Variants in RABEP1 observed in about 807,000 individuals in gnomAD.
RABEP1 encodes the protein rabaptin, RAB GTPase binding effector protein 1.
Under a neutral mutation model 123.4 loss-of-function variants are expected in RABEP1, and 51 were observed. The ratio of observed to expected loss-of-function variants is 0.41; its 90% confidence interval spans 0.33 to 0.52. The LOEUF (loss-of-function observed/expected upper bound fraction) is 0.52. Ranked by LOEUF, RABEP1 falls within the 20% of genes least tolerant of loss-of-function variation. The probability of loss-of-function intolerance (pLI) is 0.16; values close to 1 mark genes in which losing one functional copy is unlikely to be tolerated. For missense variants in RABEP1, 888 were observed against 996.3 expected (o/e 0.89, Z 1.46); for synonymous variants, 347 against 355.2 (o/e 0.98, Z 0.26).
Position 5,294,633 on chromosome 17 carries a change from CTTTTTTTTTTT to C in RABEP1, c.34+12135_34+12145del, listed in dbSNP as rs1185209680. Among the ~76,000 whole-genome samples the C allele has an allele frequency of 8.2e-3, 435 of 52,982 alleles. 5 individuals are homozygous for C. Among genetic ancestry groups the C allele is most frequent in the African/African-American group, 0.025 (385 of 15,144 alleles). The allele number at this position is 52,982 out of a possible 152,430, so 34.8% of individuals were successfully genotyped here. ...AGATACTGAGGGAAAACGGTATTGT[CTTTTTTTTTTT>C]TTTTTTTTTTTTTTTTTTTTTGAGA... On this transcript the variant is annotated intron_variant, in intron 1 of 17. Transcript: ENST00000537505.
chr17:5,293,160 G>C (rs536500839), intron 1 of RABEP1, among the ~76,000 whole-genome samples: 2 of 152,152 alleles, frequency 1.3e-5, no homozygotes, highest in South Asian at 4.2e-4. Flanking sequence ...GGTGGTGCGT[G>C]CCTGTAATCC....
intron 10 of RABEP1, chr17:5,364,190 A>G (rs1909817053): frequency 6.6e-6 from 1 of 152,270 alleles, no homozygotes; most frequent in South Asian, 2.1e-4. Context: ...GTTTTCATAA[A>G]CATTTCAGTA....
At chr17:5,374,700 C>T (rs1046885640) in intron 13 of RABEP1, among the ~76,000 whole-genome samples, 10 of 151,840 alleles carry the variant, frequency 6.6e-5, no homozygotes, top group South Asian at 2.1e-4. Flanking sequence ...AGTGCAGTGG[C>T]GCAACCTAGG....
chr17:5,293,235 C>T (rs766432168), intron 1 of RABEP1, among the ~76,000 whole-genome samples: 10 of 151,668 alleles, frequency 6.6e-5, no homozygotes, highest in South Asian at 6.2e-4. Context: ...TGCAGTGAGC[C>T]GAGATTGCAC....
chr17:5,383,048 C>A, intron 17 of RABEP1, 74 bp from the exon 18 acceptor site: 1 of 1,186,442 alleles, frequency 8.4e-7, no homozygotes, highest in Non-Finnish European at 1.3e-6. Context: ...TCTGCTACAT[C>A]TCAGCTAAAC....
At position 5,328,362 on chromosome 17, in the gene RABEP1, A is replaced by G. The variant is rs186144479; in HGVS notation, c.164-3587A>G. On this transcript the variant is annotated intron_variant, in intron 2 of 17. Coordinates refer to ENST00000537505, the MANE Select transcript of RABEP1 (RefSeq NM_004703.6). ...TTATAATGCTTTATAGCATTAGTAT[A>G]GGCCAGGCGTAGTAGCTCATGCCTG... Among the ~76,000 whole-genome samples, 28 of 152,236 alleles carry G rather than the reference A, an allele frequency of 1.8e-4. No homozygotes were observed. The East Asian group carries it at 5.4e-3, about 29-fold the overall frequency.
At chr17:5,378,946 T>C (rs1376866658) in intron 15 of RABEP1, among the ~76,000 whole-genome samples, 1 of 152,194 alleles carries the variant, frequency 6.6e-6, no homozygotes, top group Non-Finnish European at 1.5e-5. Context: ...TGACTCCTTG[T>C]CCTGCTGCTG....
chr17:5,319,935 T>C, intron 2 of RABEP1, among the ~76,000 whole-genome samples: 1 of 151,878 alleles, frequency 6.6e-6, no homozygotes, highest in East Asian at 1.9e-4. Context: ...CAAGAGGGAG[T>C]TGAGCAAGAG....
At chr17:5,351,333 A>G (rs1449394295) in intron 7 of RABEP1, among the ~76,000 whole-genome samples, 1 of 151,988 alleles carries the variant, frequency 6.6e-6, no homozygotes, top group Non-Finnish European at 1.5e-5. Context: ...CAGTGAAAAA[A>G]TAAATATAAA....
intron 6 of RABEP1, among the ~76,000 whole-genome samples, chr17:5,347,777 G>A (rs1295008247): frequency 3.3e-5 from 5 of 152,068 alleles, no homozygotes. Flanking sequence ...GTGTGCTATT[G>A]CAATAAAAAG....
rs774076932 is a variant in RABEP1 at position 5,380,344 on chromosome 17, A to G, written c.2272-20A>G. Reference sequence around the variant, plus strand: ...CCCAGAGGGAGTTTCTGTGAGTTTCAGCTTTTTCCTTTTTCACAGTTGGAG... The same window carrying G: ...CCCAGAGGGAGTTTCTGTGAGTTTCGGCTTTTTCCTTTTTCACAGTTGGAG... On this transcript the variant is annotated intron_variant, in intron 15 of 17. Transcript: ENST00000537505. 21 of 1,505,646 alleles carry G rather than the reference A, an allele frequency of 1.4e-5. No homozygotes were observed. The South Asian group carries it at 2.6e-4, about 19-fold the overall frequency. The allele number at this position is 1,505,646 out of a possible 1,614,324, so 93.3% of individuals were successfully genotyped here.
chr17:5,358,787 G>A (rs561608372), intron 8 of RABEP1, among the ~76,000 whole-genome samples: 1 of 152,154 alleles, frequency 6.6e-6, no homozygotes, highest in African/African-American at 2.4e-5. Flanking sequence ...ACAGGGTCTC[G>A]TTCTTGCCAC....
intron 12 of RABEP1, among the ~76,000 whole-genome samples, chr17:5,368,686 G>A (rs983971944): frequency 5.3e-5 from 8 of 151,988 alleles, no homozygotes; most frequent in South Asian, 4.2e-4. Flanking sequence ...TTTTCTCATC[G>A]TTTAACTTAT....
At chr17:5,296,371 C>G (rs888655309) in intron 1 of RABEP1, among the ~76,000 whole-genome samples, 2 of 152,148 alleles carry the variant, frequency 1.3e-5, no homozygotes, top group African/African-American at 2.4e-5. Flanking sequence ...TCAAGTGATT[C>G]TCCTGCCTCA....
intron 2 of RABEP1, among the ~76,000 whole-genome samples, chr17:5,330,141 C>G (rs562139610): frequency 8.6e-4 from 131 of 152,250 alleles, no homozygotes; most frequent in African/African-American, 3.0e-3. Flanking sequence ...GTTTAACACT[C>G]AGAATACAGA....
chr17:5,374,941 C>CT (rs1185608456), intron 13 of RABEP1, among the ~76,000 whole-genome samples: 2 of 151,982 alleles, frequency 1.3e-5, no homozygotes, highest in African/African-American at 2.4e-5. Flanking sequence ...CGCACCTGGC[C>CT]TTTTTTTGTA....
intron 1 of RABEP1, among the ~76,000 whole-genome samples, chr17:5,304,242 G>A (rs564360577): frequency 4.6e-5 from 7 of 151,932 alleles, no homozygotes; most frequent in Admixed American, 1.3e-4. Flanking sequence ...ATTCTGAATT[G>A]AGTGACATAG....
At chr17:5,287,881 C>G (rs897737667) in intron 1 of RABEP1, among the ~76,000 whole-genome samples, 1 of 151,910 alleles carries the variant, frequency 6.6e-6, no homozygotes, top group Non-Finnish European at 1.5e-5. Context: ...TACTTCACTC[C>G]CACCTAGGTG....
At position 5,354,348 on chromosome 17, in the gene RABEP1, C is replaced by T. The variant is rs1197310720; in HGVS notation, c.964-11C>T. 4.4e-6 allele frequency: 7 copies of T among 1,596,430 alleles called. No homozygotes were observed. Among genetic ancestry groups the T allele is most frequent in the Admixed American group, 3.6e-5 (2 of 55,842 alleles). On this transcript the variant is annotated splice_polypyrimidine_tract_variant and intron_variant, in intron 7 of 17. Coordinates refer to ENST00000537505, the MANE Select transcript of RABEP1 (RefSeq NM_004703.6). ...ACTTGGGTCATATATATGTTTTTTTCTTCCTTTTAGGAGGATGATGAACAA... is the reference window on the plus strand; with the variant it reads ...ACTTGGGTCATATATATGTTTTTTTTTTCCTTTTAGGAGGATGATGAACAA...
Sources: gnomAD v4.1 joint callset for allele counts (sites outside exome capture counted in the v4.1 genomes callset) on GRCh38, gnomAD v4.1.1 for gene constraint, MANE v1.5 for transcripts, NCBI Gene and HGNC (gene_info 2026-07-23, HGNC 2026-07-21) for gene names.